Variants in ZFPM2 observed in about 807,000 individuals in gnomAD.
The protein encoded by ZFPM2 is zinc finger protein, FOG family member 2.
In ZFPM2, 20 loss-of-function variants were observed where a neutral mutation model predicts 98.6. The observed-to-expected ratio is 0.20, with a 90% CI of 0.14 to 0.29. The LOEUF is 0.29. ZFPM2 is among the 10% of genes least tolerant of loss of function. The probability of loss-of-function intolerance (pLI) is 1.00; values close to 1 mark genes in which losing one functional copy is unlikely to be tolerated. For missense variants in ZFPM2, 1,310 were observed against 1,388.6 expected, an observed-to-expected ratio of 0.94 and a Z score of 0.90; for synonymous variants, 518 against 502.7, an observed-to-expected ratio of 1.03 and a Z score of -0.41.
At chr8:105,783,210 G>T (rs1385523491) in intron 5 of ZFPM2, among the ~76,000 whole-genome samples, 103 of 88,952 alleles carry the variant, frequency 1.2e-3, no homozygotes, top group Non-Finnish European at 4.1e-4. Flanking sequence ...TTTCTTTATG[G>T]TTTTTTTTTT....
intron 3 of ZFPM2, among the ~76,000 whole-genome samples, chr8:105,466,504 A>T (rs1257245284): frequency 6.6e-6 from 1 of 152,016 alleles, no homozygotes. Context: ...CAACTGAATA[A>T]TTTGGTTATT....
chr8:105,561,563 C>A, intron 4 of ZFPM2, 82 bp downstream of exon 4: 1 of 1,107,694 alleles, frequency 9.0e-7, no homozygotes, highest in Non-Finnish European at 1.3e-6. Context: ...TCTCTGCTTG[C>A]TTTCCAATGA....
chr8:105,393,374 C>CT (rs1204671642), intron 1 of ZFPM2, among the ~76,000 whole-genome samples: 14 of 105,074 alleles, frequency 1.3e-4, no homozygotes, highest in African/African-American at 4.4e-4. Context: ...TTCTTTCTTT[C>CT]TTTCTTTCTT....
intron 5 of ZFPM2, among the ~76,000 whole-genome samples, chr8:105,692,305 G>T (rs1035435572): frequency 1.3e-5 from 2 of 152,070 alleles, no homozygotes; most frequent in Non-Finnish European, 2.9e-5. Flanking sequence ...GTCCATATTT[G>T]TATGTGTGTT....
chr8:105,686,365 A>C (rs968972468), intron 5 of ZFPM2, among the ~76,000 whole-genome samples: 1 of 151,958 alleles, frequency 6.6e-6, no homozygotes, highest in African/African-American at 2.4e-5. Context: ...TCTGAGACTA[A>C]TGCTGCATCT....
chr8:105,362,711 G>T (rs751590963), intron 1 of ZFPM2, among the ~76,000 whole-genome samples: 1 of 152,152 alleles, frequency 6.6e-6, no homozygotes, highest in Non-Finnish European at 1.5e-5. Flanking sequence ...AAGTCTGAGT[G>T]TACACAATAT....
At chr8:105,729,754 T>C (rs904725635) in intron 5 of ZFPM2, among the ~76,000 whole-genome samples, 1 of 151,662 alleles carries the variant, frequency 6.6e-6, no homozygotes, top group African/African-American at 2.4e-5. Flanking sequence ...GGCAACCTCA[T>C]TTCCTCTTTA....
chr8:105,579,136 C>T (rs369469328), intron 4 of ZFPM2, among the ~76,000 whole-genome samples: 24 of 152,126 alleles, frequency 1.6e-4, no homozygotes, highest in African/African-American at 4.8e-4. Flanking sequence ...AAATGTTTAA[C>T]GACTATATTT....
In ZFPM2 at chr8:105,788,699, T is replaced by C. The variant is rs771982177; in HGVS notation, c.533-19T>C. The C allele has an allele frequency of 1.9e-6, 3 of 1,612,684 alleles. No homozygotes were observed. The highest frequency in any genetic ancestry group is 2.2e-5 in the South Asian group (2 of 91,060). Reference sequence around the variant, plus strand: ...GCATCCTATGTCAATTTTATCTTTTTCTTTTTTCTTCTTAATAGGGGGTCA... The same window carrying C: ...GCATCCTATGTCAATTTTATCTTTTCCTTTTTTCTTCTTAATAGGGGGTCA... On this transcript the variant is annotated intron_variant, in intron 5 of 7. Coordinates refer to ENST00000407775, the MANE Select transcript of ZFPM2 (RefSeq NM_012082.4).
rs1811743355 is a variant in ZFPM2 at position 105,419,175 on chromosome 8, A to G, written c.72A>G (p.Glu24=). Reference sequence around the variant, plus strand: ...TTGAAGATGCCATTGAAGATGAGGAAGAAGAATGTCCATCAGAGGAAACAG... The same window carrying G: ...TTGAAGATGCCATTGAAGATGAGGAGGAAGAATGTCCATCAGAGGAAACAG... ...RPLEDAIEDE[E]EECPSEETDI... is the part of the protein sequence containing the mutation. Residue 24 remains glutamate (E), a synonymous_variant, in exon 2 of 8, where the codon GAA becomes GAG. Coordinates refer to ENST00000407775, the MANE Select transcript of ZFPM2 (RefSeq NM_012082.4). 3.1e-6 allele frequency: 5 copies of G among 1,613,312 alleles called. No homozygotes were observed. The African/African-American group carries it at 5.3e-5, about 17-fold the overall frequency.
At chr8:105,597,160 T>A (rs1815988552) in intron 4 of ZFPM2, among the ~76,000 whole-genome samples, 1 of 151,942 alleles carries the variant, frequency 6.6e-6, no homozygotes, top group African/African-American at 2.4e-5. Context: ...TGCAAATGAA[T>A]GTTAGGGCCC....
chr8:105,394,347 A>G (rs1811180307), intron 1 of ZFPM2, among the ~76,000 whole-genome samples: 1 of 152,196 alleles, frequency 6.6e-6, no homozygotes, highest in Non-Finnish European at 1.5e-5. Context: ...GTTTACTGAC[A>G]TGCTAACTCT....
intron 5 of ZFPM2, among the ~76,000 whole-genome samples, chr8:105,690,695 C>A (rs906796237): frequency 1.3e-5 from 2 of 152,052 alleles, no homozygotes; most frequent in Non-Finnish European, 2.9e-5. Context: ...TAACTCACAC[C>A]GCAAATCCCC....
chr8:105,478,070 G>A (rs961394145), intron 3 of ZFPM2, among the ~76,000 whole-genome samples: 1 of 152,192 alleles, frequency 6.6e-6, no homozygotes, highest in African/African-American at 2.4e-5. Context: ...AATTTGCAAA[G>A]CAACAATGAG....
intron 5 of ZFPM2, among the ~76,000 whole-genome samples, chr8:105,648,252 G>A (rs1255177249): frequency 3.9e-5 from 6 of 152,026 alleles, no homozygotes; most frequent in Admixed American, 1.3e-4. Context: ...AAATTTGTTT[G>A]AGTTCTTTGT....
At chr8:105,647,368 T>G (rs1054606735) in intron 5 of ZFPM2, among the ~76,000 whole-genome samples, 4 of 151,968 alleles carry the variant, frequency 2.6e-5, no homozygotes, top group Admixed American at 6.6e-5. Flanking sequence ...GGAAGCCCCC[T>G]TTGCTCTTTT....
chr8:105,591,200 A>ACTT (rs1386468026), intron 4 of ZFPM2, among the ~76,000 whole-genome samples: 1 of 152,052 alleles, frequency 6.6e-6, no homozygotes, highest in African/African-American at 2.4e-5. Flanking sequence ...TGAACAATAA[A>ACTT]CTTTATATAA....
intron 2 of ZFPM2, among the ~76,000 whole-genome samples, chr8:105,430,771 G>T (rs1812003483): frequency 6.6e-6 from 1 of 152,116 alleles, no homozygotes; most frequent in Admixed American, 6.5e-5. Context: ...GTTAGAAGGA[G>T]GCTGATGGGA....
intron 1 of ZFPM2, among the ~76,000 whole-genome samples, chr8:105,392,529 A>G (rs547388982): frequency 6.6e-6 from 1 of 152,266 alleles, no homozygotes; most frequent in South Asian, 2.1e-4. Flanking sequence ...AATATGATAA[A>G]ATTTAACAAA....
Sources: gnomAD v4.1 joint callset for allele counts (sites outside exome capture counted in the v4.1 genomes callset) on GRCh38, gnomAD v4.1.1 for gene constraint, MANE v1.5 for transcripts, NCBI Gene and HGNC (gene_info 2026-07-23, HGNC 2026-07-21) for gene names.